The following TRAM1 variants were observed in gnomAD, a reference collection of about 807,000 sequenced individuals.
TRAM1 encodes translocating chain-associated membrane protein 1.
TRAM1 carries 17 observed loss-of-function variants against 48.7 expected under a neutral mutation model. The ratio of observed to expected loss-of-function variants is 0.35; its 90% CI spans 0.24 to 0.52. The LOEUF (loss-of-function observed/expected upper bound fraction) is 0.52, where lower values mean the gene tolerates loss of function less well. TRAM1 is among the 20% of genes least tolerant of loss of function. TRAM1 has a pLI of 0.94. For synonymous variants in TRAM1, 182 were observed against 154.0 expected (o/e 1.18, Z -1.34); for missense variants, 351 against 441.5 (o/e 0.79, Z 1.84).
At chr8:70,591,499 A>C (rs1235722494) in intron 6 of TRAM1, among the ~76,000 whole-genome samples, 4 of 152,166 alleles carry the variant, frequency 2.6e-5, no homozygotes, top group Non-Finnish European at 5.9e-5. Flanking sequence ...AGAACAGAGA[A>C]GGCTGGGTGA....
chr8:70,576,936 AGT>A (rs1816967548), intron 10 of TRAM1, among the ~76,000 whole-genome samples: 2 of 152,184 alleles, frequency 1.3e-5, no homozygotes, highest in East Asian at 3.9e-4. Flanking sequence ...CTAGTTTTGG[AGT>A]GAAGGTGAGA....
At chr8:70,576,815 A>T (rs1216637097) in intron 10 of TRAM1, among the ~76,000 whole-genome samples, 1 of 152,134 alleles carries the variant, frequency 6.6e-6, no homozygotes, top group Admixed American at 6.5e-5. Context: ...TCCTGGGCAC[A>T]GTGGCAGCCA....
chr8:70,608,194 C>A lies in TRAM1; in HGVS notation c.6G>T (p.Ala2=). Residue 2 remains alanine, a synonymous_variant, in exon 1 of 11, where the codon GCG becomes GCT. Transcript: ENST00000262213. ...GGCTCTTGGTGCTTTTCTTGCGAAT[C>A]GCCATGGTGGGGCCGCCGCCCGCGC... M[A]IRKKSTKSPP... The A allele has an allele frequency of 6.3e-7, 1 of 1,587,708 alleles. No homozygotes were observed.
At chr8:70,575,567 C>A (rs1230383202) in intron 10 of TRAM1, among the ~76,000 whole-genome samples, 1 of 152,036 alleles carries the variant, frequency 6.6e-6, no homozygotes, top group African/African-American at 2.4e-5. Context: ...GGACTACAGG[C>A]ATGTGCCACC....
At chr8:70,583,383 T>G in intron 9 of TRAM1, 59 bp from the exon 10 acceptor site, 1 of 1,522,884 alleles carries the variant, frequency 6.6e-7, no homozygotes, top group Non-Finnish European at 8.9e-7. Flanking sequence ...CTGAATACAT[T>G]CTATCATCTT....
chr8:70,586,848 A>C (rs750587436), intron 8 of TRAM1, 47 bp downstream of exon 8: 8 of 1,507,998 alleles, frequency 5.3e-6, no homozygotes, highest in Non-Finnish European at 6.4e-6. Context: ...TTAGGCACTG[A>C]CTTTAAATAC....
At chr8:70,595,679 A>G (rs1817471975) in intron 5 of TRAM1, among the ~76,000 whole-genome samples, 2 of 152,194 alleles carry the variant, frequency 1.3e-5, no homozygotes, top group Non-Finnish European at 2.9e-5. Flanking sequence ...CACTACATCA[A>G]ATTTCTACCA....
chr8:70,579,449 A>G (rs577609561), intron 10 of TRAM1, among the ~76,000 whole-genome samples: 1 of 152,330 alleles, frequency 6.6e-6, no homozygotes, highest in East Asian at 1.9e-4. Context: ...ACGTAACTAT[A>G]TAGTTTGAAA....
intron 1 of TRAM1, among the ~76,000 whole-genome samples, chr8:70,602,068 A>T (rs268596): frequency 6.6e-6 from 1 of 152,066 alleles, no homozygotes; most frequent in East Asian, 1.9e-4. Flanking sequence ...TTAGAGAGAC[A>T]GAGAAAGAAA....
intron 1 of TRAM1, chr8:70,607,434 A>G (rs1817763732): frequency 1.0e-6 from 1 of 985,496 alleles, no homozygotes; most frequent in Non-Finnish European, 1.2e-6. Context: ...GACAAAAATG[A>G]AAACAATCTG....
At chr8:70,607,535 G>T in intron 1 of TRAM1, 1 of 970,424 alleles carries the variant, frequency 1.0e-6, no homozygotes, top group Non-Finnish European at 1.2e-6. Context: ...CCCCAATCTC[G>T]GAGCTACCGG....
intron 8 of TRAM1, among the ~76,000 whole-genome samples, chr8:70,584,804 T>C (rs1007478410): frequency 1.1e-4 from 17 of 151,920 alleles, no homozygotes; most frequent in African/African-American, 4.1e-4. Context: ...GGAAGAACAT[T>C]CCATGCTCAT....
At chr8:70,597,826 C>A (rs1045225405) in intron 4 of TRAM1, 69 bp downstream of exon 4, 1 of 1,190,186 alleles carries the variant, frequency 8.4e-7, no homozygotes, top group African/African-American at 1.5e-5. Flanking sequence ...TAACTTAATA[C>A]TATTTCATTA....
chr8:70,590,412 G>A (rs1817327180), intron 6 of TRAM1, among the ~76,000 whole-genome samples: 1 of 152,174 alleles, frequency 6.6e-6, no homozygotes, highest in African/African-American at 2.4e-5. Flanking sequence ...GCGCAGTTGT[G>A]CTTGACATTA....
intron 6 of TRAM1, 43 bp from the exon 7 acceptor site, chr8:70,587,219 TC>T: frequency 6.3e-7 from 1 of 1,587,986 alleles, no homozygotes; most frequent in Non-Finnish European, 8.6e-7. Context: ...CTAAAACATT[TC>T]CTTTCCCTTT....
intron 6 of TRAM1, among the ~76,000 whole-genome samples, chr8:70,590,467 A>G (rs1817328600): frequency 6.6e-6 from 1 of 152,196 alleles, no homozygotes; most frequent in South Asian, 2.1e-4. Context: ...TTCAGATTCA[A>G]CTTTGTATCT....
At chr8:70,587,227 C>CT (rs1192255591) in intron 6 of TRAM1, 51 bp from the exon 7 acceptor site, 4 of 1,573,688 alleles carry the variant, frequency 2.5e-6, no homozygotes, top group Middle Eastern at 2.1e-4. Flanking sequence ...TTTCCTTTCC[C>CT]TTTTTTTAAG....
chr8:70,606,351 C>G (rs908531021), intron 1 of TRAM1, among the ~76,000 whole-genome samples: 3 of 152,106 alleles, frequency 2.0e-5, no homozygotes. Context: ...ATCTATCACT[C>G]CTGGCTAATT....
chr8:70,592,237 A>C (rs268623), intron 6 of TRAM1, among the ~76,000 whole-genome samples: 136,170 of 152,194 alleles, frequency 0.89, 61,416 homozygotes, highest in Middle Eastern at 0.96. Context: ...TTTAAGTTTT[A>C]TCTTTGAAAG....
Sources: allele counts gnomAD v4.1 joint callset (sites outside exome capture counted in the v4.1 genomes callset), GRCh38; gene constraint gnomAD v4.1.1; transcripts MANE v1.5; gene names NCBI Gene and HGNC (gene_info 2026-07-23, HGNC 2026-07-21).